The following CEP250 variants were observed in gnomAD, a reference collection of about 807,000 sequenced individuals.
The protein encoded by CEP250 is centrosomal protein 250.
In CEP250, 242 loss-of-function variants were observed where a neutral mutation model predicts 315.7. The ratio of observed to expected loss-of-function variants is 0.77; its 90% CI spans 0.69 to 0.85. The LOEUF (loss-of-function observed/expected upper bound fraction) is 0.85, where lower values mean the gene tolerates loss of function less well. Among genes scored for constraint, CEP250 ranks in the 40% least tolerant of loss-of-function variants. The pLI is 0.00. For missense variants in CEP250, 2,515 were observed against 2,886.4 expected, an observed-to-expected ratio of 0.87 and a Z score of 2.95; for synonymous variants, 1,088 against 1,175.0, an observed-to-expected ratio of 0.93 and a Z score of 1.51.
chr20:35,462,544 G>C lies in CEP250; in HGVS notation c.177G>C (p.Leu59=). 6.2e-7 allele frequency: 1 copy of C among 1,602,480 alleles called. No homozygotes were observed. Among genetic ancestry groups the C allele is most frequent in the Non-Finnish European group, 8.5e-7 (1 of 1,174,360 alleles). Residue 59 remains leucine (L), a synonymous_variant, in exon 4 of 35, where the codon CTG becomes CTC. Coordinates refer to ENST00000397527, the MANE Select transcript of CEP250 (RefSeq NM_007186.6). ...QQRQATLVRK[L]QAKVLQYRSW... is the part of the protein sequence containing the mutation. The stretch of plus-strand genomic sequence containing the variant: ...GACAAGCAACCCTTGTGAGGAAGCT[G>C]CAGGCCAAGGTGAGGCAGCTGCCCT...
intron 20 of CEP250, among the ~76,000 whole-genome samples, chr20:35,484,980 G>A (rs2063465532): frequency 6.6e-6 from 1 of 150,668 alleles, no homozygotes; most frequent in Admixed American, 6.6e-5. Context: ...AGTGGCTCAT[G>A]CCTATAATCC....
intron 5 of CEP250, 69 bp from the exon 6 acceptor site, chr20:35,465,674 A>G: frequency 9.0e-7 from 1 of 1,108,512 alleles, no homozygotes; most frequent in Non-Finnish European, 1.3e-6. Context: ...CATGGAAGGG[A>G]GCCTTAGGGA....
chr20:35,479,898 C>G, intron 19 of CEP250, 78 bp from the exon 20 acceptor site: 1 of 1,593,556 alleles, frequency 6.3e-7, no homozygotes, highest in Non-Finnish European at 8.6e-7. Context: ...GGGAGTTGCT[C>G]ATGAGGTCAG....
Position 35,508,996 on chromosome 20 carries a change from A to G in CEP250, c.6960A>G (p.Ala2320=). 1 of 1,559,244 alleles carries G rather than the reference A, an allele frequency of 6.4e-7. No homozygotes were observed. Among genetic ancestry groups the G allele is most frequent in the Non-Finnish European group, 8.7e-7 (1 of 1,150,712 alleles). The part of the protein sequence containing the change: ...LKREAMRAAQ[A]GSLEISKATA... ...GGGAGGCCATGCGTGCGGCCCAGGC[A>G]GGGTCCCTAGAGATCAGCAAGGCCA... Residue 2320 remains alanine, a synonymous_variant, in exon 33 of 35, where the codon GCA becomes GCG. Transcript: ENST00000397527.
chr20:35,462,674 T>G (rs1020686918), intron 4 of CEP250, 121 bp downstream of exon 4: 1 of 773,154 alleles, frequency 1.3e-6, no homozygotes, highest in Admixed American at 2.8e-5. Flanking sequence ...TCTAGCATGG[T>G]GAGATAAGAC....
chr20:35,490,378 A>G (rs957234477), intron 20 of CEP250, among the ~76,000 whole-genome samples: 4 of 152,220 alleles, frequency 2.6e-5, no homozygotes, highest in African/African-American at 9.7e-5. Flanking sequence ...ATAAGGGACA[A>G]TTGCAGTTTG....
At chr20:35,478,526 C>G (rs1269166924) in intron 17 of CEP250, among the ~76,000 whole-genome samples, 3 of 152,198 alleles carry the variant, frequency 2.0e-5, no homozygotes, top group Non-Finnish European at 4.4e-5. Flanking sequence ...GATTGCGCCA[C>G]TGCACTCCAA....
At chr20:35,486,100 C>T (rs927726793) in intron 20 of CEP250, among the ~76,000 whole-genome samples, 35 of 150,452 alleles carry the variant, frequency 2.3e-4, no homozygotes, top group African/African-American at 5.7e-4. Context: ...GTTTCAGCTC[C>T]GCCTCCTGGG....
intron 20 of CEP250, among the ~76,000 whole-genome samples, chr20:35,490,433 A>G (rs944611603): frequency 6.6e-6 from 1 of 152,198 alleles, no homozygotes; most frequent in Non-Finnish European, 1.5e-5. Context: ...TTTTAAAATG[A>G]ATCTCATTTG....
At chr20:35,502,015 T>C (rs2064021231) in intron 29 of CEP250, 49 bp downstream of exon 29, 2 of 1,585,914 alleles carry the variant, frequency 1.3e-6, no homozygotes, top group South Asian at 1.1e-5. Context: ...GAGTAGTCCC[T>C]TGGGCCCACC....
At position 35,511,493 on chromosome 20, in the gene CEP250, C is replaced by T. The variant is rs1476249680; in HGVS notation, c.7196C>T (p.Ala2399Val). Residue 2399 changes from alanine (A) to valine (V), a missense_variant, in exon 35 of 35, where the codon GCC becomes GTC. Physicochemically the swap from Ala to Val is moderately conservative, Grantham distance 64. Coordinates refer to ENST00000397527, the MANE Select transcript of CEP250 (RefSeq NM_007186.6). ...HSLSHSLLAV[A>V]QAPEATVLEA... ...CTCTCACACTCACTTCTTGCCGTGG[C>T]CCAGGCCCCTGAGGCCACTGTCCTG... 1 of 1,614,172 alleles carries T rather than the reference C, an allele frequency of 6.2e-7. No individual in the cohort carries two copies. Among genetic ancestry groups the T allele is most frequent in the Admixed American group, 1.7e-5 (1 of 60,022 alleles).
At position 35,479,978 on chromosome 20, in the gene CEP250, G is replaced by A. The variant is rs1273285674; in HGVS notation, c.2419G>A (p.Glu807Lys). The change falls in exon 20 of 35, where the codon GAA becomes AAA. Residue 807 changes from glutamate to lysine, a missense_variant and splice_region_variant. Coordinates refer to ENST00000397527, the MANE Select transcript of CEP250 (RefSeq NM_007186.6). ...VTQAKEVIQG[E>K]VRCLKLELDT... ...TGATCCTGTCCCTGGCATGTTAGGG[G>A]AAGTGAGGTGCCTGAAGCTGGAACT... is the stretch of plus-strand genomic sequence containing the variant. 1.2e-6 allele frequency: 2 copies of A among 1,613,658 alleles called. No homozygotes were observed. The highest frequency in any genetic ancestry group is 2.2e-5 in the East Asian group (1 of 44,878).
intron 32 of CEP250, among the ~76,000 whole-genome samples, 154 bp from the exon 33 acceptor site, chr20:35,508,789 G>A (rs1409741025): frequency 6.6e-6 from 1 of 152,186 alleles, no homozygotes; most frequent in Admixed American, 6.5e-5. Context: ...ACTGAGGCCT[G>A]CCCTAGCTGT....
At chr20:35,483,884 A>G (rs2063429118) in intron 20 of CEP250, among the ~76,000 whole-genome samples, 1 of 151,690 alleles carries the variant, frequency 6.6e-6, no homozygotes, top group Non-Finnish European at 1.5e-5. Flanking sequence ...CTATTCACCA[A>G]GTTTTAAATT....
Position 35,510,056 on chromosome 20 carries a change from T to C in CEP250, c.7065+2T>C. 1 of 1,613,786 alleles carries C rather than the reference T, an allele frequency of 6.2e-7. No homozygotes were observed. On this transcript the variant is annotated splice_donor_variant, in intron 34 of 34. Transcript: ENST00000397527. LOFTEE classifies it high-confidence loss of function. ...TGTGTGGCTGAACTGCAGAAAGAGG[T>C]ATGTTCTGGATTTTCTAAGCCCATA... is the stretch of plus-strand genomic sequence containing the variant.
Position 35,467,042 on chromosome 20 carries a change from A to G in CEP250, c.569A>G (p.His190Arg). The change falls in exon 8 of 35, where the codon CAC becomes CGC. Residue 190 changes from histidine to arginine, a missense_variant. Physicochemically the swap from His to Arg is conservative, Grantham distance 29. Coordinates refer to ENST00000397527, the MANE Select transcript of CEP250 (RefSeq NM_007186.6). ...LWREVVTFRR[H>R]FLEMKSATDR... ...CGGGAGGTTGTGACATTCCGACGCC[A>G]CTTCCTGGAAATGAAGTCAGCTACT... 2 of 1,613,816 alleles carry G rather than the reference A, an allele frequency of 1.2e-6. No individual in the cohort carries two copies. The highest frequency in any genetic ancestry group is 1.1e-5 in the South Asian group (1 of 91,066).
chr20:35,458,257 G>C (rs1292505438), intron 1 of CEP250, 47 bp from the exon 2 acceptor site: 4 of 152,130 alleles, frequency 2.6e-5, no homozygotes, highest in Non-Finnish European at 5.9e-5. Context: ...GATGAGAGAG[G>C]ATCAAATACA....
At chr20:35,464,050 T>C (rs2062818021) in intron 5 of CEP250, among the ~76,000 whole-genome samples, 1 of 152,162 alleles carries the variant, frequency 6.6e-6, no homozygotes, top group Non-Finnish European at 1.5e-5. Context: ...CCTCACATTT[T>C]CCTCAGAAAA....
Position 35,504,561 on chromosome 20 carries a change from T to C in CEP250, c.6192T>C (p.Ser2064=). ...AACGGGAGCAGCTGCTGGAGAAGTC[T>C]CTGGCCCAGAGGGTCCAAGAGAATA... ...QQEREQLLEK[S]LAQRVQENMI... is the part of the protein sequence containing the mutation. Residue 2064 remains serine (S), a synonymous_variant, in exon 30 of 35, where the codon TCT becomes TCC. Coordinates refer to ENST00000397527, the MANE Select transcript of CEP250 (RefSeq NM_007186.6). 6.2e-7 allele frequency: 1 copy of C among 1,614,048 alleles called. No homozygotes were observed. The highest frequency in any genetic ancestry group is 8.5e-7 in the Non-Finnish European group (1 of 1,179,990).
Sources: gnomAD v4.1 joint callset for allele counts (sites outside exome capture counted in the v4.1 genomes callset) on GRCh38, gnomAD v4.1.1 for gene constraint, MANE v1.5 for transcripts, NCBI Gene and HGNC (gene_info 2026-07-23, HGNC 2026-07-21) for gene names.